The following PTPRN2 variants were observed in gnomAD, a reference collection of about 807,000 sequenced individuals.
The protein encoded by PTPRN2 is receptor-type tyrosine-protein phosphatase N2.
Under a neutral mutation model 118.8 loss-of-function variants are expected in PTPRN2, and 74 were observed. The ratio of observed to expected loss-of-function variants is 0.62; its 90% CI spans 0.52 to 0.76. The LOEUF (loss-of-function observed/expected upper bound fraction) is 0.76, where lower values mean the gene tolerates loss of function less well. Ranked by LOEUF, PTPRN2 falls within the 30% of genes least tolerant of loss-of-function variation. The probability of loss-of-function intolerance (pLI) is 0.00; values close to 1 mark genes in which losing one functional copy is unlikely to be tolerated. For missense variants in PTPRN2, 1,481 were observed against 1,394.4 expected (o/e 1.06, Z -0.99); for synonymous variants, 641 against 608.0 (o/e 1.05, Z -0.80).
chr7:157,580,534 C>A (rs1229417288), intron 17 of PTPRN2, among the ~76,000 whole-genome samples: 1 of 142,732 alleles, frequency 7.0e-6, no homozygotes, highest in Non-Finnish European at 1.5e-5. Context: ...CACCTGCACA[C>A]CCGAGCCGAG....
Position 157,674,747 on chromosome 7 carries a change from C to T in PTPRN2, c.2001+7978G>A, listed in dbSNP as rs920758982. 6.6e-5 allele frequency among the ~76,000 whole-genome samples: 10 copies of T among 152,228 alleles called. No homozygotes were observed. The highest frequency in any genetic ancestry group is 1.9e-4 in the African/African-American group (8 of 41,470). On this transcript the variant is annotated intron_variant, in intron 13 of 22. Coordinates refer to ENST00000389418, the MANE Select transcript of PTPRN2 (RefSeq NM_002847.5). The surrounding 1 kb of genome is among the most constrained non-coding windows in gnomAD (Gnocchi z 4.5). ...GGCCCCGCGCAGGTACCTCTGTACACGCCTGTGGAGTCCCACCCTGTCGTG... is the reference window on the plus strand; with the variant it reads ...GGCCCCGCGCAGGTACCTCTGTACATGCCTGTGGAGTCCCACCCTGTCGTG...
rs778932513 is a variant in PTPRN2 at position 157,845,138 on chromosome 7, A to G, written c.1788+53535T>C. ...TCACGTTGGTCCACGACGGGCAGAG[A>G]GCAACTTGGATGGCTGCCTTTGTTG... On this transcript the variant is annotated intron_variant, in intron 12 of 22. Transcript: ENST00000389418. This position sits in a 1 kb window ranked among gnomAD's most constrained non-coding sequence, Gnocchi z 4.5. 1.3e-5 allele frequency among the ~76,000 whole-genome samples: 2 copies of G among 152,310 alleles called. No individual in the cohort carries two copies. Among genetic ancestry groups the G allele is most frequent in the Non-Finnish European group, 2.9e-5 (2 of 68,026 alleles).
Position 157,622,642 on chromosome 7 carries a change from C to A in PTPRN2, c.2197-1133G>T, listed in dbSNP as rs1803329193. On this transcript the variant is annotated intron_variant, in intron 14 of 22. Transcript: ENST00000389418. The surrounding 1 kb of genome is among the most constrained non-coding windows in gnomAD (Gnocchi z 5.3). ...CAAACACACACCCTGCTGTGCTGGC[C>A]CAGCTCACACGGGAGCAGGTGCATC... Among the ~76,000 whole-genome samples the A allele has an allele frequency of 6.6e-6, 1 of 152,204 alleles. No individual in the cohort carries two copies. Among genetic ancestry groups the A allele is most frequent in the Non-Finnish European group, 1.5e-5 (1 of 68,028 alleles).
chr7:158,311,940 G>C (rs937228954), intron 3 of PTPRN2, among the ~76,000 whole-genome samples: 2 of 145,842 alleles, frequency 1.4e-5, no homozygotes, highest in East Asian at 2.1e-4. Flanking sequence ...CTCACGTGTA[G>C]ACACCCACAT....
intron 12 of PTPRN2, among the ~76,000 whole-genome samples, chr7:157,700,704 C>T (rs1798022255): frequency 6.6e-6 from 1 of 152,154 alleles, no homozygotes; most frequent in South Asian, 2.1e-4. Context: ...TCCTCACACC[C>T]ATCAGAGGCT....
intron 2 of PTPRN2, among the ~76,000 whole-genome samples, chr7:158,393,127 A>G (rs920452875): frequency 5.3e-5 from 8 of 152,144 alleles, no homozygotes; most frequent in African/African-American, 1.9e-4. Flanking sequence ...GTTGGCTGGA[A>G]AGGAGACTGG....
chr7:158,230,540 G>GT (rs572424601), intron 3 of PTPRN2, among the ~76,000 whole-genome samples: 78 of 151,534 alleles, frequency 5.1e-4, no homozygotes, highest in African/African-American at 1.4e-3. Context: ...ATACAGAGGG[G>GT]TTTTTTTTCA....
chr7:157,837,778 C>T (rs372448042), intron 12 of PTPRN2, among the ~76,000 whole-genome samples: 4 of 152,330 alleles, frequency 2.6e-5, no homozygotes, highest in Admixed American at 6.5e-5. Context: ...TCCTTGTTGC[C>T]GCCACACGTC....
chr7:157,650,237 C>T (rs1361536127), intron 14 of PTPRN2, among the ~76,000 whole-genome samples: 1 of 152,208 alleles, frequency 6.6e-6, no homozygotes. Flanking sequence ...GCTTCCCAAA[C>T]CTGCCCGCCG....
At chr7:157,828,049 G>A (rs373280224) in intron 12 of PTPRN2, among the ~76,000 whole-genome samples, 46 of 152,302 alleles carry the variant, frequency 3.0e-4, no homozygotes, top group East Asian at 2.9e-3. Context: ...CTGCCTTCAC[G>A]GCCACGGAAG....
At chr7:157,837,964 A>G (rs1808088874) in intron 12 of PTPRN2, among the ~76,000 whole-genome samples, 1 of 151,730 alleles carries the variant, frequency 6.6e-6, no homozygotes. Flanking sequence ...CTCACAGTGG[A>G]TGGCACGGGA....
intron 3 of PTPRN2, among the ~76,000 whole-genome samples, chr7:158,298,384 C>T (rs1340349014): frequency 1.3e-5 from 2 of 152,108 alleles, no homozygotes; most frequent in Non-Finnish European, 2.9e-5. Context: ...ACTAGAAGTG[C>T]TTTGGATTTC....
At chr7:158,491,249 G>C (rs1286641119) in intron 1 of PTPRN2, among the ~76,000 whole-genome samples, 7 of 152,208 alleles carry the variant, frequency 4.6e-5, no homozygotes, top group Non-Finnish European at 8.8e-5. Context: ...AGCTTCACGA[G>C]CCTTCCACAG....
chr7:158,062,613 C>T (rs77351221), intron 11 of PTPRN2, among the ~76,000 whole-genome samples: 17,031 of 152,116 alleles, frequency 0.11, 2,446 homozygotes, highest in African/African-American at 0.34. Context: ...GTGGTGCTCA[C>T]GGGCCAGCAC....
At chr7:158,123,881 C>T (rs895810476) in intron 9 of PTPRN2, among the ~76,000 whole-genome samples, 1 of 152,072 alleles carries the variant, frequency 6.6e-6, no homozygotes, top group Non-Finnish European at 1.5e-5. Context: ...GATTGGATCT[C>T]AGATCCCGTG....
intron 11 of PTPRN2, among the ~76,000 whole-genome samples, chr7:157,905,267 G>A (rs2060444): frequency 0.051 from 7,727 of 152,216 alleles, 652 homozygotes; most frequent in African/African-American, 0.17. Context: ...TGCTGAACAT[G>A]TTGAAGGAGG....
At chr7:158,381,421 A>T (rs1321710059) in intron 2 of PTPRN2, among the ~76,000 whole-genome samples, 1 of 152,200 alleles carries the variant, frequency 6.6e-6, no homozygotes, top group Non-Finnish European at 1.5e-5. Context: ...TCTATTTGCT[A>T]AAACATAACA....
At chr7:157,885,226 G>C (rs1379606763) in intron 12 of PTPRN2, among the ~76,000 whole-genome samples, 1 of 152,122 alleles carries the variant, frequency 6.6e-6, no homozygotes, top group African/African-American at 2.4e-5. Context: ...CGGTCTCAAG[G>C]CTGGAACGAC....
At chr7:157,879,828 G>A (rs1584938898) in intron 12 of PTPRN2, among the ~76,000 whole-genome samples, 1 of 130,196 alleles carries the variant, frequency 7.7e-6, no homozygotes, top group Non-Finnish European at 1.6e-5. Flanking sequence ...TAGATGAAAC[G>A]TCTTTGTTAA....
Sources: gnomAD v4.1 joint callset for allele counts (sites outside exome capture counted in the v4.1 genomes callset) on GRCh38, gnomAD v4.1.1 for gene constraint, Gnocchi (gnomAD v3.1) non-coding constraint, MANE v1.5 for transcripts, NCBI Gene and HGNC (gene_info 2026-07-23, HGNC 2026-07-21) for gene names.